The following CSMD3 variants were observed in gnomAD, a reference collection of about 807,000 sequenced individuals.
CSMD3 encodes the protein CUB and sushi domain-containing protein 3.
A neutral mutation model predicts 435.2 loss-of-function variants in CSMD3; 177 were observed. That is an observed-to-expected ratio of 0.41 (90% confidence interval 0.36 to 0.46). The LOEUF is 0.46. CSMD3 is among the 20% of genes least tolerant of loss of function. The probability of loss-of-function intolerance (pLI) is 0.34; values close to 1 mark genes in which losing one functional copy is unlikely to be tolerated. For missense variants in CSMD3, 4,265 were observed against 4,504.6 expected (o/e 0.95, Z 1.52); for synonymous variants, 1,656 against 1,520.5 (o/e 1.09, Z -2.07).
intron 1 of CSMD3, among the ~76,000 whole-genome samples, chr8:113,344,451 T>G (rs540472568): frequency 6.6e-6 from 1 of 152,328 alleles, no homozygotes; most frequent in South Asian, 2.1e-4. Context: ...GCTTGAATTC[T>G]GTGAAGGAAC....
At chr8:112,900,315 C>A (rs1266513700) in intron 10 of CSMD3, among the ~76,000 whole-genome samples, 1 of 151,188 alleles carries the variant, frequency 6.6e-6, no homozygotes, top group Non-Finnish European at 1.5e-5. Context: ...TAGAAAACAT[C>A]CTTAGTAGAG....
chr8:112,526,915 A>T (rs1203700349), intron 27 of CSMD3, among the ~76,000 whole-genome samples: 1 of 151,974 alleles, frequency 6.6e-6, no homozygotes, highest in Non-Finnish European at 1.5e-5. Context: ...TCTATTTGAC[A>T]TAATGACAGG....
chr8:113,084,622 C>CA (rs35078367), intron 5 of CSMD3, among the ~76,000 whole-genome samples: 1,183 of 117,766 alleles, frequency 0.01, 15 homozygotes, highest in African/African-American at 0.029. Context: ...TGAATGGAAC[C>CA]AAAAAAAAAA....
intron 23 of CSMD3, among the ~76,000 whole-genome samples, chr8:112,580,436 G>A (rs765486593): frequency 4.6e-5 from 7 of 151,572 alleles, no homozygotes; most frequent in Admixed American, 6.6e-5. Context: ...TTTTGTAGGA[G>A]GAATAATAGA....
At chr8:112,262,878 G>C (rs2130369745) in intron 61 of CSMD3, among the ~76,000 whole-genome samples, 1 of 152,216 alleles carries the variant, frequency 6.6e-6, no homozygotes, top group South Asian at 2.1e-4. Flanking sequence ...ACCCTGGAGG[G>C]TCCTAAGCAA....
chr8:112,700,406 C>T (rs1159208075), intron 13 of CSMD3, among the ~76,000 whole-genome samples: 1 of 152,038 alleles, frequency 6.6e-6, no homozygotes, highest in Non-Finnish European at 1.5e-5. Flanking sequence ...GAGGTTGAGG[C>T]TGGAAAATCG....
chr8:113,315,087 C>T (rs1311533245), intron 1 of CSMD3, among the ~76,000 whole-genome samples: 1 of 152,112 alleles, frequency 6.6e-6, no homozygotes, highest in East Asian at 1.9e-4. Context: ...TTCCTATAGA[C>T]AAACACAATC....
intron 27 of CSMD3, among the ~76,000 whole-genome samples, chr8:112,518,625 T>TGA (rs1440995573): frequency 1.4e-3 from 181 of 130,852 alleles, no homozygotes; most frequent in East Asian, 3.9e-3. Flanking sequence ...TGTGTGTGTG[T>TGA]GTGTGAGAGA....
At chr8:112,895,285 C>T (rs1451211209) in intron 10 of CSMD3, among the ~76,000 whole-genome samples, 4 of 150,950 alleles carry the variant, frequency 2.6e-5, no homozygotes, top group Non-Finnish European at 5.9e-5. Context: ...TTTTAAAGGG[C>T]AAAACGAATA....
chr8:112,665,396 A>C (rs1037345114), intron 17 of CSMD3, among the ~76,000 whole-genome samples: 4 of 152,186 alleles, frequency 2.6e-5, no homozygotes, highest in African/African-American at 9.6e-5. Context: ...ACCTCTGTTC[A>C]AAGTGGAATC....
At chr8:113,157,185 G>C (rs989096155) in intron 4 of CSMD3, among the ~76,000 whole-genome samples, 1 of 152,046 alleles carries the variant, frequency 6.6e-6, no homozygotes, top group African/African-American at 2.4e-5. Flanking sequence ...AGAGTATTGG[G>C]GTTTGCTATG....
chr8:112,906,015 A>T (rs2082251544), intron 10 of CSMD3, among the ~76,000 whole-genome samples: 1 of 151,448 alleles, frequency 6.6e-6, no homozygotes, highest in Non-Finnish European at 1.5e-5. Flanking sequence ...TCCTCTTTTT[A>T]CTATGTGAAT....
chr8:113,260,657 TGC>T (rs2093419425), intron 3 of CSMD3, among the ~76,000 whole-genome samples: 1 of 152,174 alleles, frequency 6.6e-6, no homozygotes. Flanking sequence ...GTGCAGAATG[TGC>T]AGGTTTGTTA....
chr8:112,509,798 T>C lies in CSMD3; in HGVS notation c.4757-2969A>G, dbSNP rs138684800. Among the ~76,000 whole-genome samples, 541 of 152,330 alleles carry C rather than the reference T, an allele frequency of 3.6e-3. 1 individual carries two copies. The highest frequency in any genetic ancestry group is 0.012 in the African/African-American group (518 of 41,570). On this transcript the variant is annotated intron_variant, in intron 28 of 70. Transcript: ENST00000297405. ...TCCTTGTTGACCATATGTAAACTTATGATTTTTATCTTCTAATTTTTATAC... is the reference window on the plus strand; with the variant it reads ...TCCTTGTTGACCATATGTAAACTTACGATTTTTATCTTCTAATTTTTATAC...
chr8:112,607,145 GAA>G (rs1423434751), intron 22 of CSMD3, among the ~76,000 whole-genome samples: 3 of 151,344 alleles, frequency 2.0e-5, no homozygotes, highest in Non-Finnish European at 4.4e-5. Context: ...CTATACTAAA[GAA>G]AAAAGAGAGT....
At chr8:112,297,182 A>G (rs2130726444) in intron 53 of CSMD3, among the ~76,000 whole-genome samples, 1 of 151,332 alleles carries the variant, frequency 6.6e-6, no homozygotes, top group East Asian at 1.9e-4. Flanking sequence ...CTTTTAGAAA[A>G]TAGAAAAGAA....
chr8:112,985,018 AGAT>A (rs2085202939), intron 6 of CSMD3, among the ~76,000 whole-genome samples: 1 of 151,964 alleles, frequency 6.6e-6, no homozygotes, highest in African/African-American at 2.4e-5. Flanking sequence ...ATAGATAGAT[AGAT>A]AGATAGATAG....
chr8:112,977,046 TG>T (rs2084877802), intron 6 of CSMD3, among the ~76,000 whole-genome samples: 2 of 152,078 alleles, frequency 1.3e-5, no homozygotes, highest in Non-Finnish European at 1.5e-5. Context: ...GTATTCAAAG[TG>T]TCAAATTAGA....
At chr8:112,752,869 T>G (rs2077602335) in intron 13 of CSMD3, among the ~76,000 whole-genome samples, 1 of 152,002 alleles carries the variant, frequency 6.6e-6, no homozygotes, top group Non-Finnish European at 1.5e-5. Flanking sequence ...AGAATTTTTA[T>G]TTTTTCTAAG....
Sources: allele counts gnomAD v4.1 joint callset (sites outside exome capture counted in the v4.1 genomes callset), GRCh38; gene constraint gnomAD v4.1.1; transcripts MANE v1.5; gene names NCBI Gene and HGNC (gene_info 2026-07-23, HGNC 2026-07-21).